The following NRCAM variants were observed in gnomAD, a reference collection of about 807,000 sequenced individuals.
NRCAM encodes the protein NgCAM-related cell adhesion molecule.
NRCAM carries 83 observed loss-of-function variants against 156.5 expected under a neutral mutation model. The observed-to-expected ratio is 0.53, with a 90% CI of 0.44 to 0.64. NRCAM has a LOEUF of 0.64. NRCAM is among the 30% of genes least tolerant of loss of function. The probability of loss-of-function intolerance (pLI) is 0.00; values close to 1 mark genes in which losing one functional copy is unlikely to be tolerated. For synonymous variants in NRCAM, 538 were observed against 563.9 expected, an observed-to-expected ratio of 0.95 and a Z score of 0.65; for missense variants, 1,417 against 1,597.3, an observed-to-expected ratio of 0.89 and a Z score of 1.92.
chr7:108,313,201 C>T (rs2098827994), intron 2 of NRCAM: 1 of 152,048 alleles, frequency 6.6e-6, no homozygotes, highest in African/African-American at 2.4e-5. Context: ...GAGTGAGTTC[C>T]ACCTGGGCTG....
chr7:108,207,268 C>A (rs1401441962), intron 13 of NRCAM: 2 of 298,274 alleles, frequency 6.7e-6, no homozygotes, highest in Non-Finnish European at 6.2e-6. Context: ...TGTCATTCTT[C>A]CCATTATCCA....
chr7:108,207,485 C>T (rs780706880), intron 13 of NRCAM, 43 bp downstream of exon 13: 13 of 1,597,438 alleles, frequency 8.1e-6, no homozygotes, highest in African/African-American at 4.0e-5. Context: ...TGTATATATG[C>T]TCTGAAAATA....
At chr7:108,261,761 T>C (rs2096897384) in intron 3 of NRCAM, among the ~76,000 whole-genome samples, 1 of 152,150 alleles carries the variant, frequency 6.6e-6, no homozygotes, top group African/African-American at 2.4e-5. Flanking sequence ...TTGACCCTCA[T>C]AGGGATCTCT....
intron 2 of NRCAM, among the ~76,000 whole-genome samples, chr7:108,395,391 C>G (rs938889415): frequency 8.5e-5 from 13 of 152,122 alleles, no homozygotes; most frequent in African/African-American, 2.9e-4. Flanking sequence ...CCAAAATGGC[C>G]CACGAATTGC....
intron 1 of NRCAM, among the ~76,000 whole-genome samples, chr7:108,410,970 C>G (rs560173688): frequency 1.4e-4 from 21 of 152,038 alleles, no homozygotes; most frequent in African/African-American, 4.1e-4. Context: ...AAATCAAGCA[C>G]AAAATTTTGT....
At chr7:108,187,694 G>A (rs868774851) in intron 20 of NRCAM, among the ~76,000 whole-genome samples, 11 of 152,156 alleles carry the variant, frequency 7.2e-5, no homozygotes, top group Admixed American at 6.5e-5. Flanking sequence ...GCTCACGCCT[G>A]TAATCCCAGC....
intron 1 of NRCAM, among the ~76,000 whole-genome samples, chr7:108,405,027 ATG>A (rs765608317): frequency 7.9e-5 from 12 of 152,218 alleles, no homozygotes; most frequent in Non-Finnish European, 2.9e-5. Flanking sequence ...ATGACTATGG[ATG>A]TGTGAGTGAC....
rs1367486144 is a variant in NRCAM at position 108,231,036 on chromosome 7, T to C, written c.545A>G (p.Asp182Gly). 6.2e-7 allele frequency: 1 copy of C among 1,602,930 alleles called. No homozygotes were observed. The highest frequency in any genetic ancestry group is 8.5e-7 in the Non-Finnish European group (1 of 1,171,782). Residue 182 changes from aspartate (D) to glycine (G), a missense_variant, in exon 8 of 33, where the codon GAT (aspartate) becomes GGT (glycine). By Grantham distance (94) the Asp-to-Gly change is moderately conservative (BLOSUM62 -1). Transcript: ENST00000379028. ...GLPPPIIFWMDNSFQRLPQSE... is the reference protein window; with the variant it reads ...GLPPPIIFWMGNSFQRLPQSE... ...TTCATATTATCAAAACTTACAATTA[T>C]CCATCCAAAATATTATAGGTGGTGG... is the stretch of plus-strand genomic sequence containing the variant.
intron 22 of NRCAM, among the ~76,000 whole-genome samples, chr7:108,183,163 T>C (rs2064448392): frequency 6.6e-6 from 1 of 152,242 alleles, no homozygotes; most frequent in African/African-American, 2.4e-5. Flanking sequence ...AAATATCACA[T>C]AAACCTTTCA....
intron 1 of NRCAM, among the ~76,000 whole-genome samples, chr7:108,421,912 C>A (rs757440959): frequency 2.0e-5 from 3 of 152,202 alleles, no homozygotes; most frequent in Admixed American, 1.3e-4. Context: ...TGTCTAACAG[C>A]AGGCAAAAGA....
At chr7:108,396,529 G>T (rs1398288161) in intron 2 of NRCAM, among the ~76,000 whole-genome samples, 1 of 152,178 alleles carries the variant, frequency 6.6e-6, no homozygotes, top group African/African-American at 2.4e-5. Context: ...CTTTCTGGAT[G>T]ACTGTAATTA....
At chr7:108,449,519 C>T (rs1224840558) in intron 1 of NRCAM, among the ~76,000 whole-genome samples, 1 of 152,122 alleles carries the variant, frequency 6.6e-6, no homozygotes, top group Non-Finnish European at 1.5e-5. Context: ...CGGACTCGCT[C>T]GCAAGCCATC....
intron 2 of NRCAM, among the ~76,000 whole-genome samples, chr7:108,321,345 C>T (rs1227289122): frequency 6.6e-6 from 1 of 152,146 alleles, no homozygotes; most frequent in Admixed American, 6.5e-5. Context: ...GTAGGCTGTA[C>T]AGGAAGCTTA....
intron 12 of NRCAM, among the ~76,000 whole-genome samples, chr7:108,208,059 C>G (rs1248689944): frequency 6.6e-6 from 1 of 151,296 alleles, no homozygotes; most frequent in Non-Finnish European, 1.5e-5. Flanking sequence ...TTTGGGAAGC[C>G]AAAGTGGCTG....
intron 12 of NRCAM, among the ~76,000 whole-genome samples, chr7:108,208,465 C>T (rs535572975): frequency 2.0e-5 from 3 of 152,156 alleles, no homozygotes; most frequent in African/African-American, 4.8e-5. Flanking sequence ...TCTTATGTGA[C>T]CATGGTCTAG....
chr7:108,181,839 G>A lies in NRCAM; in HGVS notation c.2629C>T (p.His877Tyr). The change falls in exon 24 of 33, where the codon CAC becomes TAC. Residue 877 changes from histidine to tyrosine, a missense_variant. Physicochemically the swap from His to Tyr is moderately conservative, Grantham distance 83. Coordinates refer to ENST00000379028, the MANE Select transcript of NRCAM (RefSeq NM_001037132.4). ...DPVPLKSIRG[H>Y]LQGYRIYYWK... is the part of the protein sequence containing the mutation. ...TCACTTGCCCGATAGCCTTGTAGGT[G>A]TCCTCGGATGCTTTTCAGAGGTACT... The A allele has an allele frequency of 4.3e-6, 7 of 1,613,482 alleles. No individual in the cohort carries two copies. Among genetic ancestry groups the A allele is most frequent in the Non-Finnish European group, 5.9e-6 (7 of 1,179,466 alleles).
chr7:108,215,858 G>T (rs142766018), intron 11 of NRCAM, among the ~76,000 whole-genome samples: 1 of 151,582 alleles, frequency 6.6e-6, no homozygotes, highest in African/African-American at 2.4e-5. Context: ...GTCTTGATTC[G>T]TTATCCAATT....
intron 2 of NRCAM, among the ~76,000 whole-genome samples, chr7:108,316,779 A>G (rs1355703216): frequency 7.0e-6 from 1 of 143,192 alleles, no homozygotes; most frequent in Non-Finnish European, 1.5e-5. Context: ...ATGGAGCAAG[A>G]CTCCATCTCA....
At chr7:108,178,199 C>T in intron 25 of NRCAM, 87 bp from the exon 26 acceptor site, 2 of 1,421,764 alleles carry the variant, frequency 1.4e-6, no homozygotes, top group Non-Finnish European at 1.9e-6. Context: ...TCGCACGATT[C>T]AAGGTTTTGA....
Sources: allele counts gnomAD v4.1 joint callset (sites outside exome capture counted in the v4.1 genomes callset), GRCh38; gene constraint gnomAD v4.1.1; transcripts MANE v1.5; gene names NCBI Gene and HGNC (gene_info 2026-07-23, HGNC 2026-07-21).